Variants in DMP1 observed in about 807,000 individuals in gnomAD.
DMP1 encodes dentin matrix protein 1.
A neutral mutation model predicts 14.6 loss-of-function variants in DMP1; 20 were observed. The observed-to-expected ratio is 1.37, with a 90% confidence interval of 0.96 to 1.99. The LOEUF is 1.99. DMP1 is among the 30% of genes most tolerant of loss of function. The pLI is 0.00. For synonymous variants in DMP1, 197 were observed against 215.3 expected (o/e 0.91, Z 0.75); for missense variants, 567 against 620.5 (o/e 0.91, Z 0.92).
At chr4:87,651,001 A>G (rs552717992) in intron 1 of DMP1, among the ~76,000 whole-genome samples, 1 of 152,280 alleles carries the variant, frequency 6.6e-6, no homozygotes, top group Admixed American at 6.5e-5. Flanking sequence ...GAATATAATT[A>G]TATTTTAAAA....
chr4:87,659,744 C>T (rs903278213), intron 5 of DMP1, among the ~76,000 whole-genome samples: 2 of 152,160 alleles, frequency 1.3e-5, no homozygotes, highest in Non-Finnish European at 2.9e-5. Flanking sequence ...TAAACACATG[C>T]GCAGAAACAC....
intron 1 of DMP1, among the ~76,000 whole-genome samples, chr4:87,652,339 T>C (rs189417495): frequency 2.6e-5 from 4 of 152,312 alleles, no homozygotes; most frequent in Admixed American, 6.5e-5. Context: ...TTATAAAAGT[T>C]TGGAGCTCTT....
chr4:87,653,407 A>ATATATATAGATATATATATATAT (rs1560489285), intron 1 of DMP1, among the ~76,000 whole-genome samples: 1 of 104,196 alleles, frequency 9.6e-6, no homozygotes, highest in Non-Finnish European at 2.0e-5. Flanking sequence ...ATATATATAT[A>ATATATATAGATATATATATATAT]TATATATATA....
chr4:87,655,765 G>C (rs555580699), intron 1 of DMP1, among the ~76,000 whole-genome samples: 1 of 152,052 alleles, frequency 6.6e-6, no homozygotes, highest in African/African-American at 2.4e-5. Flanking sequence ...TAGTTTTTTA[G>C]GGAGAATACA....
intron 1 of DMP1, among the ~76,000 whole-genome samples, chr4:87,650,807 T>G (rs1260945318): frequency 3.9e-5 from 6 of 152,148 alleles, no homozygotes; most frequent in African/African-American, 1.4e-4. Flanking sequence ...GGCAGGACTT[T>G]AAAAAGAATT....
chr4:87,660,115 C>T (rs1013150750), intron 5 of DMP1, among the ~76,000 whole-genome samples: 1 of 152,150 alleles, frequency 6.6e-6, no homozygotes, highest in African/African-American at 2.4e-5. Flanking sequence ...CTGTGGGGCT[C>T]CAGAGAGTCC....
rs1385166572 is a variant in DMP1 at position 87,662,109 on chromosome 4, G to A, written c.331G>A (p.Asp111Asn). 1.2e-6 allele frequency: 2 copies of A among 1,614,114 alleles called. No homozygotes were observed. The highest frequency in any genetic ancestry group is 1.7e-5 in the Admixed American group (1 of 60,006). The change falls in exon 6 of 6, where the codon GAT becomes AAT. Residue 111 changes from aspartate to asparagine, a missense_variant. Physicochemically the swap from Asp to Asn is conservative, Grantham distance 23. Coordinates refer to ENST00000339673, the MANE Select transcript of DMP1 (RefSeq NM_004407.4). ...DKDDDEDDSG[D>N]DTFGDDDSGP... Reference sequence around the variant, plus strand: ...AGATGACGATGAAGATGACAGTGGAGATGACACCTTTGGTGACGATGACAG... The same window carrying A: ...AGATGACGATGAAGATGACAGTGGAAATGACACCTTTGGTGACGATGACAG...
intron 3 of DMP1, 165 bp from the exon 4 acceptor site, chr4:87,659,055 T>A (rs1170859172): frequency 1.3e-5 from 9 of 701,422 alleles, no homozygotes; most frequent in African/African-American, 3.6e-5. Context: ...TCATTTTACT[T>A]TCCTTTTGGA....
At chr4:87,659,181 G>A in intron 3 of DMP1, 39 bp from the exon 4 acceptor site, 1 of 1,603,548 alleles carries the variant, frequency 6.2e-7, no homozygotes, top group Non-Finnish European at 8.5e-7. Flanking sequence ...ATCCATCTGT[G>A]AGGGAGTAAT....
At chr4:87,656,331 T>G in intron 1 of DMP1, 141 bp from the exon 2 acceptor site, 1 of 660,684 alleles carries the variant, frequency 1.5e-6, no homozygotes, top group South Asian at 1.7e-5. Context: ...ATATTCTGTT[T>G]TATAGATACA....
At chr4:87,656,583 T>C (rs1224868942) in intron 2 of DMP1, 37 bp downstream of exon 2, 1 of 1,424,080 alleles carries the variant, frequency 7.0e-7, no homozygotes, top group Non-Finnish European at 9.9e-7. Flanking sequence ...AAAAACCCTT[T>C]CATACTTAAA....
intron 1 of DMP1, among the ~76,000 whole-genome samples, chr4:87,652,820 C>G (rs1728559660): frequency 6.6e-6 from 1 of 152,138 alleles, no homozygotes; most frequent in African/African-American, 2.4e-5. Flanking sequence ...TTCAGAGAAT[C>G]ATGAAATTAT....
chr4:87,663,754 A>T lies in DMP1; in HGVS notation c.*434A>T, dbSNP rs1238350287. ...TTAAAGAGGGATATGTATAAGAGAA[A>T]CAAGAATTGTTACAACCCAGTATGG... is the stretch of plus-strand genomic sequence containing the variant. On this transcript the variant is annotated 3_prime_UTR_variant, in exon 6 of 6. Transcript: ENST00000339673. 3.9e-6 allele frequency: 1 copy of T among 257,656 alleles called. No homozygotes were observed. The highest frequency in any genetic ancestry group is 7.5e-6 in the Non-Finnish European group (1 of 133,188). 16.0% of individuals were successfully genotyped at this position (257,656 alleles called of 1,614,324 possible). A position where few individuals can be genotyped will look rare whatever the true frequency, so the allele number is the denominator to read the frequency against.
chr4:87,657,040 G>C lies in DMP1; in HGVS notation c.63G>C (p.Arg21Ser). The change falls in exon 3 of 6, where the codon AGG (arginine) becomes AGC (serine). Residue 21 changes from arginine (R) to serine (S), a missense_variant. Arg to Ser is a moderately radical substitution (Grantham distance 110, BLOSUM62 -1). Coordinates refer to ENST00000339673, the MANE Select transcript of DMP1 (RefSeq NM_004407.4). ...TGTACTAAATTTTCTAGGTAACCAG[G>C]TATCAAAATAATGAATCTGAGGATT... ...WGLSCALPVT[R>S]YQNNESEDSE... is the part of the protein sequence containing the mutation. 2 of 1,552,170 alleles carry C rather than the reference G, an allele frequency of 1.3e-6. No individual in the cohort carries two copies. Among genetic ancestry groups the C allele is most frequent in the Non-Finnish European group, 1.8e-6 (2 of 1,124,074 alleles).
intron 1 of DMP1, among the ~76,000 whole-genome samples, chr4:87,653,708 TGCATTG>T (rs2110010420): frequency 6.6e-6 from 1 of 152,204 alleles, no homozygotes; most frequent in African/African-American, 2.4e-5. Context: ...ATGGGATTTG[TGCATTG>T]GCATTTTTAA....
chr4:87,655,668 TTGTG>T (rs146925985), intron 1 of DMP1, among the ~76,000 whole-genome samples: 3 of 150,366 alleles, frequency 2.0e-5, no homozygotes, highest in East Asian at 3.9e-4. Context: ...TTAGAAGCCA[TTGTG>T]TGTGTGTGTG....
chr4:87,662,840 G>C lies in DMP1; in HGVS notation c.1062G>C (p.Glu354Asp). Residue 354 changes from glutamate to aspartate, a missense_variant, in exon 6 of 6, where the codon GAG (glutamate) becomes GAC (aspartate). Physicochemically the swap from Glu to Asp is conservative, Grantham distance 45. Coordinates refer to ENST00000339673, the MANE Select transcript of DMP1 (RefSeq NM_004407.4). ...ANLSSQENSSESQEEVVSESR... is the reference protein window; with the variant it reads ...ANLSSQENSSDSQEEVVSESR... ...TGTCATCTCAAGAGAACAGCAGTGA[G>C]TCTCAGGAAGAGGTGGTGAGTGAGT... 5 of 1,613,348 alleles carry C rather than the reference G, an allele frequency of 3.1e-6. No individual in the cohort carries two copies. The highest frequency in any genetic ancestry group is 4.2e-6 in the Non-Finnish European group (5 of 1,179,318).
In DMP1 at chr4:87,657,093, T is replaced by G; in HGVS notation, c.102+14T>G. On this transcript the variant is annotated intron_variant, in intron 3 of 5. Coordinates refer to ENST00000339673, the MANE Select transcript of DMP1 (RefSeq NM_004407.4). ...GAAGAATGGAAGGTGAGTAGAAATA[T>G]GACTTTTTGAAATATTTTAATTTTA... 1 of 1,448,290 alleles carries G rather than the reference T, an allele frequency of 6.9e-7. No individual in the cohort carries two copies. 89.7% of individuals were successfully genotyped at this position (1,448,290 alleles called of 1,614,324 possible). A position where few individuals can be genotyped will look rare whatever the true frequency, so the allele number is the denominator to read the frequency against.
chr4:87,656,945 T>A, intron 2 of DMP1, 87 bp from the exon 3 acceptor site: 1 of 840,826 alleles, frequency 1.2e-6, no homozygotes, highest in African/African-American at 1.7e-5. Flanking sequence ...AAAATTTGAC[T>A]ATCCCTACTC....
Sources: gnomAD v4.1 joint callset for allele counts (sites outside exome capture counted in the v4.1 genomes callset) on GRCh38, gnomAD v4.1.1 for gene constraint, MANE v1.5 for transcripts, NCBI Gene and HGNC (gene_info 2026-07-23, HGNC 2026-07-21) for gene names.